Variants in AMPD3 observed in about 807,000 individuals in gnomAD.
AMPD3 encodes adenosine monophosphate deaminase 3.
AMPD3 carries 57 observed loss-of-function variants against 82.3 expected under a neutral mutation model. The observed-to-expected ratio is 0.69, with a 90% confidence interval of 0.56 to 0.86. The LOEUF (loss-of-function observed/expected upper bound fraction) is 0.86, where lower values mean the gene tolerates loss of function less well. AMPD3 is among the 40% of genes least tolerant of loss of function. AMPD3 has a pLI of 0.00. For missense variants in AMPD3, 870 were observed against 1,003.8 expected, an observed-to-expected ratio of 0.87 and a Z score of 1.80; for synonymous variants, 381 against 394.7, an observed-to-expected ratio of 0.97 and a Z score of 0.41.
Position 10,495,620 on chromosome 11 carries a change from G to A in AMPD3, c.1317G>A (p.Arg439=). The change falls in exon 9 of 15, where the codon CGG becomes CGA. Residue 439 remains arginine, a synonymous_variant. Coordinates refer to ENST00000396553, the MANE Select transcript of AMPD3 (RefSeq NM_001025389.2). ...GCAAGTACCAGTACTCAGAGCCACG[G>A]CTCTCCATCTACGGCCGCAGTCCTG... is the stretch of plus-strand genomic sequence containing the variant. ...EESKYQYSEP[R]LSIYGRSPEE... 6.2e-7 allele frequency: 1 copy of A among 1,613,760 alleles called. No individual in the cohort carries two copies. The highest frequency in any genetic ancestry group is 8.5e-7 in the Non-Finnish European group (1 of 1,180,026).
rs75239792 is a variant in AMPD3, at chr11:10,500,779, G to A, written c.1721+530G>A. ...AAATCCATGCATGCCCTTACAGGCA[G>A]AGGCTCCTACCAATACGCACACAGA... On this transcript the variant is annotated intron_variant, in intron 11 of 14. Coordinates refer to ENST00000396553, the MANE Select transcript of AMPD3 (RefSeq NM_001025389.2). 4.4e-3 allele frequency: 4,305 copies of A among 985,476 alleles called. 129 individuals are homozygous for A. The African/African-American group carries it at 0.064, about 15-fold the overall frequency. 61.0% of individuals were successfully genotyped at this position (985,476 alleles called of 1,614,324 possible). A position where few individuals can be genotyped will look rare whatever the true frequency, so the allele number is the denominator to read the frequency against.
chr11:10,488,313 C>T, intron 6 of AMPD3: 2 of 985,428 alleles, frequency 2.0e-6, no homozygotes, highest in Non-Finnish European at 2.4e-6. Flanking sequence ...GAGTCACTTC[C>T]TGTCAACCAG....
At position 10,502,964 on chromosome 11, in the gene AMPD3, G is replaced by T. The variant is rs145440011; in HGVS notation, c.2016+70G>T. On this transcript the variant is annotated intron_variant, in intron 13 of 14. Coordinates refer to ENST00000396553, the MANE Select transcript of AMPD3 (RefSeq NM_001025389.2). ...GTCCTAGCCTGTCCTCCCATTTCAG[G>T]AACCTGAGCCCATGGCTTAGTTCTG... is the stretch of plus-strand genomic sequence containing the variant. The T allele has an allele frequency of 3.7e-4, 573 of 1,557,496 alleles. 4 individuals are homozygous for T. The African/African-American group carries it at 6.4e-3, about 17-fold the overall frequency.
At chr11:10,484,236 A>C (rs1848997879) in intron 4 of AMPD3, 1 of 985,198 alleles carries the variant, frequency 1.0e-6, no homozygotes. Context: ...TTCTAACCTT[A>C]ACCTATAGTG....
At chr11:10,484,107 C>T (rs1159991626) in intron 4 of AMPD3, 2 of 259,238 alleles carry the variant, frequency 7.7e-6, no homozygotes, top group Non-Finnish European at 1.2e-5. Context: ...CTCACAGCAG[C>T]GTGTTAAGGC....
rs1848275736 is a variant in AMPD3, at chr11:10,461,715, C to T, written c.196C>T (p.Gln66Ter). 2 of 1,613,474 alleles carry T rather than the reference C, an allele frequency of 1.2e-6. No homozygotes were observed. Among genetic ancestry groups the T allele is most frequent in the African/African-American group, 1.3e-5 (1 of 74,924 alleles). The change falls in exon 2 of 15, where the codon CAG becomes TAG. Residue 66 changes from glutamine to a stop codon, truncating the protein, a stop_gained. Coordinates refer to ENST00000396553, the MANE Select transcript of AMPD3 (RefSeq NM_001025389.2). LOFTEE classifies it high-confidence loss of function. ...ERELQKELAEQKSVETAKRKK... is the reference protein window; with the variant it reads ...ERELQKELAE ...GGAGCTGCAGAAGGAGCTGGCAGAG[C>T]AGAAGTCTGTGGAGACCGCAAAAAG...
upstream of AMPD3, among the ~76,000 whole-genome samples, chr11:10,454,948 G>A (rs773977162): frequency 1.2e-4 from 18 of 151,800 alleles, no homozygotes; most frequent in African/African-American, 2.7e-4. Flanking sequence ...CAGGTGGGCC[G>A]TAATCTCTGG....
chr11:10,501,383 C>G, intron 11 of AMPD3, 87 bp from the exon 12 acceptor site: 1 of 1,567,212 alleles, frequency 6.4e-7, no homozygotes, highest in Non-Finnish European at 8.7e-7. Context: ...TCATTCCCCC[C>G]GGAGCTGGCC....
chr11:10,484,420 G>A (rs1432205655), intron 4 of AMPD3: 4 of 985,244 alleles, frequency 4.1e-6, no homozygotes, highest in Non-Finnish European at 4.8e-6. Context: ...TTTCCTGGGA[G>A]AAGACACCGC....
Position 10,505,880 on chromosome 11 carries a change from A to G in AMPD3, c.2300A>G (p.Asn767Ser), listed in dbSNP as rs1849704577. ...TCAGAAGAGATCACCGCCTTGACCA[A>G]CTAGGTCCAGCATTTGACATGCATT... ...MKSEEITALT[N>S] Residue 767 changes from asparagine to serine, a missense_variant, in exon 15 of 15, where the codon AAC (asparagine) becomes AGC (serine). Coordinates refer to ENST00000396553, the MANE Select transcript of AMPD3 (RefSeq NM_001025389.2). The G allele has an allele frequency of 2.5e-6, 4 of 1,613,996 alleles. No homozygotes were observed. In the South Asian group the frequency reaches 3.3e-5, roughly 13 times the overall value.
chr11:10,501,007 C>T (rs1849564194), intron 11 of AMPD3: 3 of 985,376 alleles, frequency 3.0e-6, no homozygotes, highest in Non-Finnish European at 3.6e-6. Flanking sequence ...GGAGGCAGTC[C>T]TGGGCTGAGC....
At chr11:10,480,412 G>A (rs574546886) in intron 3 of AMPD3, among the ~76,000 whole-genome samples, 1 of 150,470 alleles carries the variant, frequency 6.6e-6, no homozygotes, top group Non-Finnish European at 1.5e-5. Context: ...GCTCTCAGAA[G>A]CCATCCACTG....
chr11:10,467,482 G>C (rs1054666680), intron 2 of AMPD3, among the ~76,000 whole-genome samples: 6 of 152,080 alleles, frequency 3.9e-5, no homozygotes, highest in Non-Finnish European at 5.9e-5. Flanking sequence ...AAAATGAAAA[G>C]GAATGAACAA....
chr11:10,465,799 A>G (rs2133837203), intron 2 of AMPD3, among the ~76,000 whole-genome samples: 1 of 151,002 alleles, frequency 6.6e-6, no homozygotes, highest in East Asian at 1.9e-4. Flanking sequence ...ATTCAGGCAG[A>G]CACTGAACTA....
chr11:10,486,036 G>A (rs896991649), intron 5 of AMPD3, among the ~76,000 whole-genome samples: 1 of 152,098 alleles, frequency 6.6e-6, no homozygotes, highest in African/African-American at 2.4e-5. Context: ...AATGTGGATG[G>A]GCAGCATGAT....
chr11:10,478,719 T>C lies in AMPD3; in HGVS notation c.415T>C (p.Tyr139His). 6.2e-7 allele frequency: 1 copy of C among 1,612,910 alleles called. No individual in the cohort carries two copies. The highest frequency in any genetic ancestry group is 8.5e-7 in the Non-Finnish European group (1 of 1,180,026). ...CCAGCGGGTCACCATCAGCGGAGAT[T>C]ACTGTGCCGGGGTAAGGCGTCTGTG... is the stretch of plus-strand genomic sequence containing the variant. Reference protein sequence around the residue: ...EFQRVTISGDYCAGITLEDYE... With the variant: ...EFQRVTISGDHCAGITLEDYE... Residue 139 changes from tyrosine (Y) to histidine (H), a missense_variant, in exon 3 of 15, where the codon TAC (tyrosine) becomes CAC (histidine). Physicochemically the swap from Tyr to His is moderately conservative, Grantham distance 83 (BLOSUM62 2). Transcript: ENST00000396553.
At chr11:10,471,680 A>G (rs1848594708) in intron 2 of AMPD3, among the ~76,000 whole-genome samples, 1 of 152,278 alleles carries the variant, frequency 6.6e-6, no homozygotes, top group South Asian at 2.1e-4. Flanking sequence ...TATGCAGCCA[A>G]CAAACATATG....
At position 10,478,808 on chromosome 11, in the gene AMPD3, C is replaced by T. The variant is rs370501160; in HGVS notation, c.426+78C>T. 2.8e-5 allele frequency: 41 copies of T among 1,454,814 alleles called. No individual in the cohort carries two copies. The African/African-American group carries it at 5.2e-4, about 18-fold the overall frequency. The allele number at this position is 1,454,814 out of a possible 1,614,324, so 90.1% of individuals were successfully genotyped here. Reference sequence around the variant, plus strand: ...CCCATGGGCCACAGGGTCGTGCCTCCCTCTGGAGCCTGGCCCTGTCCGTGG... The same window carrying T: ...CCCATGGGCCACAGGGTCGTGCCTCTCTCTGGAGCCTGGCCCTGTCCGTGG... On this transcript the variant is annotated intron_variant, in intron 3 of 14. Coordinates refer to ENST00000396553, the MANE Select transcript of AMPD3 (RefSeq NM_001025389.2).
intron 2 of AMPD3, chr11:10,473,356 T>C: frequency 1.0e-6 from 1 of 979,122 alleles, no homozygotes; most frequent in Non-Finnish European, 1.2e-6. Flanking sequence ...TTCATTTTCA[T>C]CTCCAGGTCT....
Sources: gnomAD v4.1 joint callset for allele counts (sites outside exome capture counted in the v4.1 genomes callset) on GRCh38, gnomAD v4.1.1 for gene constraint, MANE v1.5 for transcripts, NCBI Gene and HGNC (gene_info 2026-07-23, HGNC 2026-07-21) for gene names.